Variants in EPHA5 observed in about 807,000 individuals in gnomAD.
EPHA5 encodes the protein ephrin type-A receptor 5.
In EPHA5, 60 loss-of-function variants were observed where a neutral mutation model predicts 105.0. That is an observed-to-expected ratio of 0.57 (90% CI 0.46 to 0.71). EPHA5 has a LOEUF of 0.71. Among genes scored for constraint, EPHA5 ranks in the 30% least tolerant of loss-of-function variants. The pLI is 0.00. For synonymous variants in EPHA5, 513 were observed against 449.1 expected (o/e 1.14, Z -1.80); for missense variants, 1,218 against 1,274.7 (o/e 0.96, Z 0.68).
intron 3 of EPHA5, among the ~76,000 whole-genome samples, chr4:65,509,186 A>G (rs1373768419): frequency 6.6e-6 from 1 of 152,158 alleles, no homozygotes; most frequent in African/African-American, 2.4e-5. Context: ...ATACTTCTTT[A>G]CTTACAGAAT....
intron 6 of EPHA5, among the ~76,000 whole-genome samples, chr4:65,419,594 G>C (rs2149034169): frequency 6.6e-6 from 1 of 152,190 alleles, no homozygotes; most frequent in East Asian, 1.9e-4. Context: ...TCTATCTTTA[G>C]CTCCTCTTTT....
chr4:65,515,128 G>T (rs1299034623), intron 3 of EPHA5, among the ~76,000 whole-genome samples: 1 of 151,914 alleles, frequency 6.6e-6, no homozygotes, highest in Non-Finnish European at 1.5e-5. Context: ...CATTTCTCCT[G>T]CCAACTTTAC....
At chr4:65,516,897 A>G (rs779817167) in intron 3 of EPHA5, among the ~76,000 whole-genome samples, 17 of 136,648 alleles carry the variant, frequency 1.2e-4, no homozygotes, top group Non-Finnish European at 2.6e-4. Context: ...GACTAACCAG[A>G]CAGCACAGCA....
intron 11 of EPHA5, among the ~76,000 whole-genome samples, chr4:65,362,927 C>T (rs1005913969): frequency 6.6e-6 from 1 of 151,536 alleles, no homozygotes; most frequent in Admixed American, 6.6e-5. Flanking sequence ...TTAAATAAGA[C>T]TTTTGAACCA....
intron 5 of EPHA5, among the ~76,000 whole-genome samples, chr4:65,426,471 G>A (rs1724449277): frequency 6.6e-6 from 1 of 151,894 alleles, no homozygotes. Context: ...TGCTTGAAAT[G>A]ATATGCTTAT....
chr4:65,377,346 T>C (rs1719112939), intron 8 of EPHA5, among the ~76,000 whole-genome samples: 1 of 152,022 alleles, frequency 6.6e-6, no homozygotes, highest in South Asian at 2.1e-4. Context: ...TTGTATGCAA[T>C]TCATATAGAC....
At chr4:65,337,724 G>C (rs1013055924) in intron 14 of EPHA5, among the ~76,000 whole-genome samples, 1 of 152,016 alleles carries the variant, frequency 6.6e-6, no homozygotes, top group Non-Finnish European at 1.5e-5. Context: ...AATCTGGCTA[G>C]AGCATAGGAG....
Position 65,669,668 on chromosome 4 carries a change from T to TG in EPHA5, c.74dup (p.Ala26SerfsTer63). 7.4e-7 allele frequency: 1 copy of TG among 1,347,826 alleles called. No individual in the cohort carries two copies. Among genetic ancestry groups the TG allele is most frequent in the Non-Finnish European group, 9.6e-7 (1 of 1,044,614 alleles). The allele number at this position is 1,347,826 out of a possible 1,614,324, so 83.5% of individuals were successfully genotyped here. A position where few individuals can be genotyped will look rare whatever the true frequency, so the allele number is the denominator to read the frequency against. ...CAGAGTAGCAGCCGGCCAGGGACGC[T>TG]GGGGTGATGGGGGTGTCGCCGCCGC... On this transcript the variant is annotated frameshift_variant, in exon 1 of 17. Transcript: ENST00000613740. LOFTEE classifies it high-confidence loss of function.
At chr4:65,410,635 T>A (rs1220622506) in intron 7 of EPHA5, among the ~76,000 whole-genome samples, 1 of 152,162 alleles carries the variant, frequency 6.6e-6, no homozygotes, top group Admixed American at 6.6e-5. Context: ...TGCATCAACG[T>A]CAAATGTTCT....
At chr4:65,441,323 T>C (rs1166127361) in intron 5 of EPHA5, among the ~76,000 whole-genome samples, 1 of 152,026 alleles carries the variant, frequency 6.6e-6, no homozygotes. Flanking sequence ...TTAAAAATAA[T>C]CTAAAAACAT....
chr4:65,507,705 G>T (rs1413823590), intron 3 of EPHA5, among the ~76,000 whole-genome samples: 1 of 152,036 alleles, frequency 6.6e-6, no homozygotes, highest in Non-Finnish European at 1.5e-5. Context: ...TGTGATTTAT[G>T]CACATTGATT....
In EPHA5 at chr4:65,477,515, T is replaced by C. The variant is rs943644055; in HGVS notation, c.1402+12862A>G. 7.2e-5 allele frequency among the ~76,000 whole-genome samples: 11 copies of C among 152,030 alleles called. No individual in the cohort carries two copies. The South Asian group carries it at 1.7e-3, about 23-fold the overall frequency. ...GAAACCTCTGCCTCCCGGGTTTAAGTGATTCTCCTGCCTCAGGCTCCCAAG... is the reference window on the plus strand; with the variant it reads ...GAAACCTCTGCCTCCCGGGTTTAAGCGATTCTCCTGCCTCAGGCTCCCAAG... On this transcript the variant is annotated intron_variant, in intron 5 of 16. Transcript: ENST00000613740.
At chr4:65,424,891 T>G (rs868447060) in intron 5 of EPHA5, among the ~76,000 whole-genome samples, 5 of 152,234 alleles carry the variant, frequency 3.3e-5, no homozygotes, top group South Asian at 2.1e-4. Flanking sequence ...AATATCTTCC[T>G]CATTCTTTAA....
chr4:65,408,307 T>C (rs1453048634), intron 7 of EPHA5, among the ~76,000 whole-genome samples: 1 of 152,164 alleles, frequency 6.6e-6, no homozygotes, highest in Non-Finnish European at 1.5e-5. Flanking sequence ...CTTTAAGATA[T>C]ATACCTTTAG....
chr4:65,504,339 T>C (rs1419765284), intron 3 of EPHA5, among the ~76,000 whole-genome samples: 2 of 145,726 alleles, frequency 1.4e-5, no homozygotes, highest in Non-Finnish European at 3.0e-5. Flanking sequence ...ACCAGCAAAG[T>C]TAGAAAATTT....
intron 5 of EPHA5, among the ~76,000 whole-genome samples, chr4:65,468,828 T>C (rs966911943): frequency 1.3e-5 from 2 of 151,332 alleles, no homozygotes; most frequent in Non-Finnish European, 1.5e-5. Flanking sequence ...AAATACTGCA[T>C]GTGGGCAAGA....
Position 65,527,449 on chromosome 4 carries a change from CAA to C in EPHA5, c.911-31908_911-31907del, listed in dbSNP as rs377681890. ...ACACACAGAGCAAATACATGGAGTA[CAA>C]AAAGTCATAACTTCAGGATAATGTT... On this transcript the variant is annotated intron_variant, in intron 3 of 16. Transcript: ENST00000613740. 3.2e-4 allele frequency among the ~76,000 whole-genome samples: 49 copies of C among 152,120 alleles called. No homozygotes were observed. In the East Asian group the frequency reaches 9.1e-3, roughly 28 times the overall value.
intron 3 of EPHA5, among the ~76,000 whole-genome samples, chr4:65,507,950 A>G (rs1733231469): frequency 6.6e-6 from 1 of 152,088 alleles, no homozygotes; most frequent in African/African-American, 2.4e-5. Context: ...TTTTCTCAAT[A>G]TAGGCAAGCA....
At chr4:65,463,805 T>C (rs1728347979) in intron 5 of EPHA5, among the ~76,000 whole-genome samples, 1 of 152,070 alleles carries the variant, frequency 6.6e-6, no homozygotes, top group African/African-American at 2.4e-5. Flanking sequence ...ATTTAATATT[T>C]TGCCAGAAAA....
Sources: gnomAD v4.1 joint callset for allele counts (sites outside exome capture counted in the v4.1 genomes callset) on GRCh38, gnomAD v4.1.1 for gene constraint, MANE v1.5 for transcripts, NCBI Gene and HGNC (gene_info 2026-07-23, HGNC 2026-07-21) for gene names.